The following DDX1 variants were observed in gnomAD, a reference collection of about 807,000 sequenced individuals.
DDX1 encodes the protein ATP-dependent RNA helicase DDX1.
Under a neutral mutation model 108.7 loss-of-function variants are expected in DDX1, and 28 were observed. That is an observed-to-expected ratio of 0.26 (90% CI 0.19 to 0.35). The LOEUF is 0.35. Ranked by LOEUF, DDX1 falls within the 10% of genes least tolerant of loss-of-function variation. DDX1 has a pLI of 1.00. For missense variants in DDX1, 710 were observed against 884.5 expected (o/e 0.80, Z 2.50); for synonymous variants, 295 against 288.9 (o/e 1.02, Z -0.21).
intron 18 of DDX1, 74 bp from the exon 19 acceptor site, chr2:15,623,362 A>G: frequency 6.9e-7 from 1 of 1,439,672 alleles, no homozygotes; most frequent in Admixed American, 1.8e-5. Context: ...TCAGTCTGTG[A>G]CTATAATTAT....
chr2:15,601,446 A>G (rs1665587905), intron 6 of DDX1, among the ~76,000 whole-genome samples: 1 of 152,226 alleles, frequency 6.6e-6, no homozygotes, highest in Non-Finnish European at 1.5e-5. Context: ...ATTGGCTATA[A>G]ATCAGGGTTC....
chr2:15,603,163 A>G, intron 7 of DDX1, 29 bp from the exon 8 acceptor site: 2 of 1,443,158 alleles, frequency 1.4e-6, no homozygotes, highest in Non-Finnish European at 1.9e-6. Flanking sequence ...TGTGATTTAT[A>G]TAAATCTCAA....
intron 12 of DDX1, 108 bp from the exon 13 acceptor site, chr2:15,607,067 C>A: frequency 9.4e-7 from 1 of 1,066,896 alleles, no homozygotes; most frequent in East Asian, 2.5e-5. Context: ...TACTTTTTGA[C>A]AATTATTATG....
chr2:15,612,743 G>A (rs1184894892), intron 13 of DDX1, among the ~76,000 whole-genome samples: 3 of 152,186 alleles, frequency 2.0e-5, no homozygotes, highest in African/African-American at 4.8e-5. Context: ...GGGAGACTCC[G>A]TCTGCAATCC....
chr2:15,606,038 T>C lies in DDX1; in HGVS notation c.702+12T>C, dbSNP rs1665655793. On this transcript the variant is annotated intron_variant, in intron 11 of 25. Coordinates refer to ENST00000233084, the MANE Select transcript of DDX1 (RefSeq NM_004939.3). ...CCTGTGTTTTGAAGGTAATTAGGAA[T>C]CTAGTTAGAAAAAATTTGCTGTGGT... 5 of 1,579,440 alleles carry C rather than the reference T, an allele frequency of 3.2e-6. No individual in the cohort carries two copies. The highest frequency in any genetic ancestry group is 4.3e-6 in the Non-Finnish European group (5 of 1,163,834).
chr2:15,612,336 G>A (rs1024520136), intron 13 of DDX1, among the ~76,000 whole-genome samples: 2 of 149,028 alleles, frequency 1.3e-5, no homozygotes, highest in South Asian at 2.1e-4. Context: ...ACGGGGCGGC[G>A]GGGCAGAGGC....
At chr2:15,592,500 C>G (rs1414849069) in intron 1 of DDX1, among the ~76,000 whole-genome samples, 2 of 152,162 alleles carry the variant, frequency 1.3e-5, no homozygotes, top group African/African-American at 2.4e-5. Flanking sequence ...CATTAATGTT[C>G]AGTGTTGAAG....
chr2:15,620,075 G>A (rs746276857), intron 16 of DDX1, 133 bp from the exon 17 acceptor site: 25 of 758,850 alleles, frequency 3.3e-5, no homozygotes, highest in African/African-American at 7.1e-5. Flanking sequence ...TCTAGTTGTC[G>A]CTACATAGAG....
intron 8 of DDX1, among the ~76,000 whole-genome samples, chr2:15,603,495 A>C (rs1340081877): frequency 6.6e-6 from 1 of 152,228 alleles, no homozygotes; most frequent in Non-Finnish European, 1.5e-5. Context: ...TAAGAATATG[A>C]ATGGAGTCAG....
At position 15,591,898 on chromosome 2, in the gene DDX1, G is replaced by A. The variant is rs991748790; in HGVS notation, c.-36G>A. On this transcript the variant is annotated 5_prime_UTR_variant, in exon 1 of 26. Transcript: ENST00000233084. ...CACGCCGTGTCAGTCGGGAGGGAGG[G>A]AGCGAGCAGGCGAAGCCGCGGAGGA... 5.4e-6 allele frequency: 8 copies of A among 1,469,256 alleles called. No homozygotes were observed. The African/African-American group carries it at 5.9e-5, about 11-fold the overall frequency. The allele number at this position is 1,469,256 out of a possible 1,614,324, so 91.0% of individuals were successfully genotyped here.
At chr2:15,591,990 T>C in intron 1 of DDX1, 41 bp downstream of exon 1, 1 of 1,395,934 alleles carries the variant, frequency 7.2e-7, no homozygotes, top group South Asian at 1.6e-5. Context: ...GGCGGCTTGT[T>C]GCACGCCTCA....
chr2:15,601,314 A>G (rs1445835048), intron 6 of DDX1, among the ~76,000 whole-genome samples: 2 of 152,134 alleles, frequency 1.3e-5, no homozygotes, highest in Admixed American at 1.3e-4. Flanking sequence ...GAGAACTGTA[A>G]TTCAATTCAA....
At chr2:15,612,512 C>G (rs1180343033) in intron 13 of DDX1, among the ~76,000 whole-genome samples, 13 of 151,580 alleles carry the variant, frequency 8.6e-5, no homozygotes, top group Admixed American at 3.3e-4. Context: ...AGACGCTCCT[C>G]ACTTTCCAGA....
In DDX1 at chr2:15,630,804, T is replaced by A. The variant is rs115632835; in HGVS notation, c.2121T>A (p.Ile707=). 1,402 of 1,613,922 alleles carry A rather than the reference T, an allele frequency of 8.7e-4. 9 individuals are homozygous for A. In the African/African-American group the frequency reaches 0.016, roughly 19 times the overall value. The change falls in exon 26 of 26, where the codon ATT becomes ATA. Residue 707 remains isoleucine (I), a synonymous_variant. Coordinates refer to ENST00000233084, the MANE Select transcript of DDX1 (RefSeq NM_004939.3). ...GAAGCTATAAAGGCCATGTGGATAT[T>A]TTGGCACCTACTGTTCAAGAGTTGG... is the stretch of plus-strand genomic sequence containing the variant. ...GGGSYKGHVD[I]LAPTVQELAA...
At position 15,629,552 on chromosome 2, in the gene DDX1, G is replaced by A. The variant is rs766086602; in HGVS notation, c.1876-50G>A. Reference sequence around the variant, plus strand: ...AAACAAATTTAGAATAAGATATTTAGCATGTCTCTATCTCCATGCATGTTA... The same window carrying A: ...AAACAAATTTAGAATAAGATATTTAACATGTCTCTATCTCCATGCATGTTA... On this transcript the variant is annotated intron_variant, in intron 23 of 25. Coordinates refer to ENST00000233084, the MANE Select transcript of DDX1 (RefSeq NM_004939.3). The A allele has an allele frequency of 2.6e-5, 34 of 1,298,152 alleles. No homozygotes were observed. In the South Asian group the frequency reaches 4.5e-4, roughly 17 times the overall value. The allele number at this position is 1,298,152 out of a possible 1,614,324, so 80.4% of individuals were successfully genotyped here.
At chr2:15,620,455 G>C (rs1665984373) in intron 17 of DDX1, 59 bp downstream of exon 17, 5 of 1,358,822 alleles carry the variant, frequency 3.7e-6, no homozygotes, top group East Asian at 4.9e-5. Context: ...AACTAGGTCA[G>C]CCTTGGGCTC....
chr2:15,600,639 G>A (rs1185008714), intron 6 of DDX1, among the ~76,000 whole-genome samples: 2 of 151,076 alleles, frequency 1.3e-5, no homozygotes, highest in South Asian at 2.1e-4. Context: ...TCTGAATGTA[G>A]TCTCACATCA....
intron 4 of DDX1, 69 bp from the exon 5 acceptor site, chr2:15,597,306 T>C: frequency 1.0e-6 from 1 of 984,990 alleles, no homozygotes; most frequent in South Asian, 1.5e-5. Flanking sequence ...ACTTTTGTCA[T>C]TTATATTGGT....
intron 16 of DDX1, among the ~76,000 whole-genome samples, chr2:15,619,489 C>A (rs1320878137): frequency 6.6e-6 from 1 of 152,252 alleles, no homozygotes; most frequent in Non-Finnish European, 1.5e-5. Flanking sequence ...TGCCGCTGCT[C>A]ATGTCTCCCC....
Sources: gnomAD v4.1 joint callset for allele counts (sites outside exome capture counted in the v4.1 genomes callset) on GRCh38, gnomAD v4.1.1 for gene constraint, MANE v1.5 for transcripts, NCBI Gene and HGNC (gene_info 2026-07-23, HGNC 2026-07-21) for gene names.